ANKRD12: variants seen among roughly 807,000 people sequenced by gnomAD.
The protein encoded by ANKRD12 is ankyrin repeat domain 12.
ANKRD12 carries 85 observed loss-of-function variants against 183.4 expected under a neutral mutation model. That is an observed-to-expected ratio of 0.46 (90% CI 0.39 to 0.56). The LOEUF (loss-of-function observed/expected upper bound fraction) is 0.56. ANKRD12 is among the 20% of genes least tolerant of loss of function. ANKRD12 has a pLI of 0.00. For missense variants in ANKRD12, 2,405 were observed against 2,357.1 expected (o/e 1.02, Z -0.42); for synonymous variants, 914 against 800.2 (o/e 1.14, Z -2.40).
rs756601867 is a variant in ANKRD12, at chr18:9,148,537, A to G, written c.-52+11572A>G. On this transcript the variant is annotated intron_variant, in intron 1 of 12. Transcript: ENST00000262126. ...TATTTTTTAAAAATTTGAGGTGTTTATTTATTACTATTAGAAGATAAATAC... is the reference window on the plus strand; with the variant it reads ...TATTTTTTAAAAATTTGAGGTGTTTGTTTATTACTATTAGAAGATAAATAC... 5.3e-5 allele frequency among the ~76,000 whole-genome samples: 8 copies of G among 152,174 alleles called. No individual in the cohort carries two copies. The East Asian group carries it at 9.6e-4, about 18-fold the overall frequency.
chr18:9,271,338 A>G (rs1445449826), intron 10 of ANKRD12, among the ~76,000 whole-genome samples: 2 of 152,136 alleles, frequency 1.3e-5, no homozygotes, highest in Non-Finnish European at 2.9e-5. Context: ...ATCCTGGCTA[A>G]CATGGTGAAA....
chr18:9,164,269 T>G (rs183648745), intron 1 of ANKRD12, among the ~76,000 whole-genome samples: 1 of 152,242 alleles, frequency 6.6e-6, no homozygotes, highest in East Asian at 1.9e-4. Context: ...CTGCATCTGT[T>G]GAGATAATCA....
intron 10 of ANKRD12, among the ~76,000 whole-genome samples, chr18:9,270,483 G>GT (rs1173773172): frequency 1.3e-5 from 2 of 152,188 alleles, no homozygotes; most frequent in Non-Finnish European, 2.9e-5. Context: ...GATGAAGCTG[G>GT]AAACCATCAT....
In ANKRD12 at chr18:9,224,262, TAAAC is replaced by T. The variant is rs2036586986; in HGVS notation, c.943+2265_943+2268del. 2.0e-5 allele frequency among the ~76,000 whole-genome samples: 3 copies of T among 152,062 alleles called. No homozygotes were observed. The South Asian group carries it at 6.2e-4, about 32-fold the overall frequency. ...CTTACCAAAAAAAAATTAAAAATGA[TAAAC>T]ACAGAGCAGACAGAAACACAGACTG... On this transcript the variant is annotated intron_variant, in intron 8 of 12. Coordinates refer to ENST00000262126, the MANE Select transcript of ANKRD12 (RefSeq NM_015208.5).
intron 8 of ANKRD12, among the ~76,000 whole-genome samples, chr18:9,250,726 CAA>C (rs2038242902): frequency 1.3e-5 from 2 of 152,092 alleles, no homozygotes; most frequent in Admixed American, 6.6e-5. Flanking sequence ...CTCAAAAAAA[CAA>C]GAGACTCCAG....
chr18:9,238,285 A>G (rs1381006955), intron 8 of ANKRD12, among the ~76,000 whole-genome samples: 1 of 152,076 alleles, frequency 6.6e-6, no homozygotes, highest in Non-Finnish European at 1.5e-5. Context: ...CCCTCTTCTC[A>G]TGCTGCATAC....
intron 1 of ANKRD12, among the ~76,000 whole-genome samples, chr18:9,158,470 T>A (rs1363411398): frequency 6.6e-6 from 1 of 152,188 alleles, no homozygotes; most frequent in African/African-American, 2.4e-5. Flanking sequence ...TACAGTGAGG[T>A]AAGTGTAGGA....
chr18:9,150,130 T>A (rs748274608), intron 1 of ANKRD12, among the ~76,000 whole-genome samples: 8 of 152,130 alleles, frequency 5.3e-5, no homozygotes, highest in Non-Finnish European at 1.0e-4. Flanking sequence ...TCTGAATTCT[T>A]TGTCAGGCTC....
At chr18:9,149,793 A>ACT (rs1568221223) in intron 1 of ANKRD12, among the ~76,000 whole-genome samples, 206 of 145,096 alleles carry the variant, frequency 1.4e-3, no homozygotes, top group East Asian at 4.4e-3. Flanking sequence ...TATTTATTAA[A>ACT]TTTTATTTTT....
At chr18:9,146,533 A>T (rs1206395801) in intron 1 of ANKRD12, among the ~76,000 whole-genome samples, 2 of 152,248 alleles carry the variant, frequency 1.3e-5, no homozygotes, top group Non-Finnish European at 2.9e-5. Flanking sequence ...AATAAAAAAA[A>T]ATTAAAAACC....
chr18:9,229,089 G>A (rs2036890314), intron 8 of ANKRD12, among the ~76,000 whole-genome samples: 1 of 152,052 alleles, frequency 6.6e-6, no homozygotes, highest in African/African-American at 2.4e-5. Flanking sequence ...GTGTATGTAT[G>A]TTGGTGGCTT....
At chr18:9,277,926 A>G (rs1293450718) in intron 11 of ANKRD12, among the ~76,000 whole-genome samples, 3 of 152,114 alleles carry the variant, frequency 2.0e-5, no homozygotes, top group Non-Finnish European at 4.4e-5. Flanking sequence ...CCTGCCCCAG[A>G]TTTTCTTAAT....
Position 9,254,786 on chromosome 18 carries a change from A to C in ANKRD12, c.1519A>C (p.Thr507Pro). 3 of 1,475,472 alleles carry C rather than the reference A, an allele frequency of 2.0e-6. No homozygotes were observed. Among genetic ancestry groups the C allele is most frequent in the Non-Finnish European group, 2.7e-6 (3 of 1,114,898 alleles). 91.4% of individuals were successfully genotyped at this position (1,475,472 alleles called of 1,614,324 possible). ...NTRITNLTVN[T>P]GLDCSEKTRE... ...AAGAATAACAAACTTGACAGTAAAT[A>C]CTGGACTAGATTGTTCAGAAAAGAC... Residue 507 changes from threonine (T) to proline (P), a missense_variant, in exon 9 of 13, where the codon ACT becomes CCT. Thr to Pro is a conservative substitution (Grantham distance 38). Coordinates refer to ENST00000262126, the MANE Select transcript of ANKRD12 (RefSeq NM_015208.5).
At chr18:9,195,348 A>G (rs1463275626) in intron 2 of ANKRD12, among the ~76,000 whole-genome samples, 5 of 152,332 alleles carry the variant, frequency 3.3e-5, no homozygotes, top group Non-Finnish European at 7.3e-5. Context: ...AAAAATAAAT[A>G]TAAAATTATG....
At chr18:9,196,225 G>C (rs983288978) in intron 3 of ANKRD12, among the ~76,000 whole-genome samples, 3 of 66,544 alleles carry the variant, frequency 4.5e-5, no homozygotes, top group African/African-American at 1.8e-4. Context: ...CACACACACT[G>C]AGGCTAACTG....
chr18:9,256,627 AAAAGAT>A lies in ANKRD12; in HGVS notation c.3366_3371del (p.Asp1122_Lys1123del), dbSNP rs2038642582. The A allele has an allele frequency of 3.7e-6, 6 of 1,604,966 alleles. No homozygotes were observed. Among genetic ancestry groups the A allele is most frequent in the Non-Finnish European group, 5.1e-6 (6 of 1,177,878 alleles). ...ACCGAAACTGTTTAGAACTTAAAAT[AAAAGAT>A]AAAGAAAAAACAAAGCATACACCAA... On this transcript the variant is annotated inframe_deletion, in exon 9 of 13. Coordinates refer to ENST00000262126, the MANE Select transcript of ANKRD12 (RefSeq NM_015208.5).
At chr18:9,204,159 T>A (rs1463938318) in intron 3 of ANKRD12, among the ~76,000 whole-genome samples, 3 of 152,224 alleles carry the variant, frequency 2.0e-5, no homozygotes, top group Non-Finnish European at 2.9e-5. Context: ...GCTCTTTTAC[T>A]GTTATTCAGA....
chr18:9,186,684 G>A lies in ANKRD12; in HGVS notation c.87+4165G>A, dbSNP rs563632379. The stretch of plus-strand genomic sequence containing the variant: ...TTTTTAAGACAAAGTGAAGAAGTTG[G>A]GGTAGGGGGTAGAAGGCATGACCAT... On this transcript the variant is annotated intron_variant, in intron 2 of 12. Transcript: ENST00000262126. Among the ~76,000 whole-genome samples the A allele has an allele frequency of 9.9e-5, 15 of 151,416 alleles. No individual in the cohort carries two copies. The South Asian group carries it at 3.1e-3, about 32-fold the overall frequency.
intron 10 of ANKRD12, among the ~76,000 whole-genome samples, chr18:9,272,183 T>C (rs563136704): frequency 6.6e-6 from 1 of 152,300 alleles, no homozygotes; most frequent in African/African-American, 2.4e-5. Context: ...TGATCGAAAG[T>C]GTACTATTTA....
Sources: gnomAD v4.1 joint callset for allele counts (sites outside exome capture counted in the v4.1 genomes callset) on GRCh38, gnomAD v4.1.1 for gene constraint, MANE v1.5 for transcripts, NCBI Gene and HGNC (gene_info 2026-07-23, HGNC 2026-07-21) for gene names.